Variants in MAP7D3 observed in about 807,000 individuals in gnomAD.
MAP7D3 encodes the protein MAP7 domain containing 3.
MAP7D3 carries 45 observed loss-of-function variants against 62.2 expected under a neutral mutation model. That is an observed-to-expected ratio of 0.72 (90% CI 0.57 to 0.93). MAP7D3 has a LOEUF of 0.93. Among genes scored for constraint, MAP7D3 ranks in the 40% least tolerant of loss-of-function variants. The probability of loss-of-function intolerance (pLI) is 0.00; values close to 1 mark genes in which losing one functional copy is unlikely to be tolerated. For missense variants in MAP7D3, 711 were observed against 683.1 expected (o/e 1.04, Z -0.45); for synonymous variants, 288 against 248.8 (o/e 1.16, Z -1.48).
intron 10 of MAP7D3, among the ~76,000 whole-genome samples, chrX:136,229,983 A>T: frequency 1.6e-5 from 1 of 61,038 alleles, no homozygotes; most frequent in Non-Finnish European, 3.0e-5. Context: ...ATATATATAT[A>T]TATATATATA....
intron 16 of MAP7D3, among the ~76,000 whole-genome samples, 176 bp downstream of exon 16, chrX:136,220,589 G>A (rs1447522692): frequency 8.9e-6 from 1 of 112,455 alleles, no homozygotes; most frequent in East Asian, 2.8e-4. Context: ...ACATGGGGAT[G>A]ATGATCCTTA....
In MAP7D3 at chrX:136,219,616, T is replaced by C. The variant is rs767388268; in HGVS notation, c.2542A>G (p.Thr848Ala). 2 of 1,207,363 alleles carry C rather than the reference T, an allele frequency of 1.7e-6. No homozygotes were observed. Among genetic ancestry groups the C allele is most frequent in the South Asian group, 3.5e-5 (2 of 56,952 alleles). ...HTTKTRKADE[T>A]NTTSRSSAQT... ...ACAGAGGATCTGCTGGTGGTGTTGG[T>C]TTCATCCGCCTTTCTGGTTTTCGTT... Residue 848 changes from threonine (T) to alanine (A), a missense_variant, in exon 17 of 19, where the codon ACC (threonine) becomes GCC (alanine). By Grantham distance (58) the Thr-to-Ala change is moderately conservative. Transcript: ENST00000316077.
At chrX:136,242,686 T>C (rs1218618199) in intron 4 of MAP7D3, among the ~76,000 whole-genome samples, 1 of 111,598 alleles carries the variant, frequency 9.0e-6, no homozygotes, top group Admixed American at 9.6e-5. Context: ...TTCTCTAAGA[T>C]AGTCTTTATT....
At chrX:136,219,711 A>G (rs1427256012) in intron 16 of MAP7D3, 40 bp from the exon 17 acceptor site, 2 of 1,018,829 alleles carry the variant, frequency 2.0e-6, no homozygotes, top group Non-Finnish European at 2.8e-6. Context: ...AATTATTCCC[A>G]AACCAAGGCT....
chrX:136,245,245 C>T (rs1351969644), intron 3 of MAP7D3, among the ~76,000 whole-genome samples: 1 of 111,693 alleles, frequency 9.0e-6, no homozygotes, highest in Non-Finnish European at 1.9e-5. Context: ...CCATATTAAA[C>T]ATGCCAGTTT....
At chrX:136,233,635 T>TAAAAAA (rs151267120) in intron 7 of MAP7D3, among the ~76,000 whole-genome samples, 13 of 30,604 alleles carry the variant, frequency 4.2e-4, no homozygotes, top group African/African-American at 9.6e-4. Flanking sequence ...TAAATTAAAC[T>TAAAAAA]AAAAAAAAAA....
chrX:136,225,842 G>T, intron 13 of MAP7D3, 67 bp downstream of exon 13: 1 of 683,411 alleles, frequency 1.5e-6, no homozygotes, highest in Non-Finnish European at 2.3e-6. Flanking sequence ...TTAAAAACAT[G>T]CTGATATCAG....
At position 136,251,279 on chromosome X, in the gene MAP7D3, G is replaced by C; in HGVS notation, c.70+10C>G. On this transcript the variant is annotated intron_variant, in intron 1 of 18. Coordinates refer to ENST00000316077, the MANE Select transcript of MAP7D3 (RefSeq NM_024597.4). ...CCCGAACCACCCCCGGGAGCCACCC[G>C]CCCGCTCACCCATCCGTGCCCGCAG... The C allele has an allele frequency of 8.9e-7, 1 of 1,127,589 alleles. No homozygotes were observed. The allele number at this position is 1,127,589 out of a possible 1,213,427, so 92.9% of individuals were successfully genotyped here.
rs751119234 is a variant in MAP7D3 at position 136,230,976 on chromosome X, T to TA, written c.1414-11dup. On this transcript the variant is annotated splice_polypyrimidine_tract_variant and intron_variant, in intron 8 of 18. Transcript: ENST00000316077. Reference sequence around the variant, plus strand: ...TGTCCATTTCTGATTTCTGAACAGATAAACACAGTATGGTAAATTACTAAC... The same window carrying TA: ...TGTCCATTTCTGATTTCTGAACAGATAAAACACAGTATGGTAAATTACTAAC... 8.5e-7 allele frequency: 1 copy of TA among 1,170,900 alleles called. No individual in the cohort carries two copies. The highest frequency in any genetic ancestry group is 2.0e-5 in the South Asian group (1 of 49,490).
upstream of MAP7D3, chrX:136,251,556 G>A (rs2074514712): frequency 2.4e-6 from 2 of 831,052 alleles, no homozygotes; most frequent in Non-Finnish European, 2.9e-6. Flanking sequence ...CGTCCTGACC[G>A]GCTGGGCAGC....
intron 7 of MAP7D3, 90 bp from the exon 8 acceptor site, chrX:136,232,310 G>A: frequency 3.3e-6 from 2 of 610,676 alleles, no homozygotes. Context: ...CAGGAACACA[G>A]AAAAGAGATT....
chrX:136,232,103 G>T lies in MAP7D3; in HGVS notation c.854C>A (p.Thr285Lys), dbSNP rs2074278340. ...PMSTMKIPPQ[T>K]KVEESPLEKV... ...CTCCAAGGGAGACTCTTCTACTTTT[G>T]TTTGAGGAGGTATTTTCATTGTCGA... The change falls in exon 8 of 19, where the codon ACA becomes AAA. Residue 285 changes from threonine (T) to lysine (K), a missense_variant. Coordinates refer to ENST00000316077, the MANE Select transcript of MAP7D3 (RefSeq NM_024597.4). 1 of 1,208,782 alleles carries T rather than the reference G, an allele frequency of 8.3e-7. No individual in the cohort carries two copies. The highest frequency in any genetic ancestry group is 1.8e-5 in the South Asian group (1 of 56,927).
chrX:136,219,984 G>A (rs973943854), intron 16 of MAP7D3, among the ~76,000 whole-genome samples: 8 of 111,856 alleles, frequency 7.2e-5, no homozygotes, highest in Admixed American at 9.5e-5. Flanking sequence ...TAACAGAATT[G>A]GTACAGGTCC....
At chrX:136,241,010 G>T in intron 5 of MAP7D3, 150 bp downstream of exon 5, 1 of 335,275 alleles carries the variant, frequency 3.0e-6, no homozygotes, top group Non-Finnish European at 5.3e-6. Flanking sequence ...TTTTGCAATG[G>T]CATATGACAG....
chrX:136,226,281 T>C (rs1051387625), intron 12 of MAP7D3, among the ~76,000 whole-genome samples: 6 of 111,480 alleles, frequency 5.4e-5, no homozygotes, highest in African/African-American at 2.0e-4. Context: ...ATTCAAAGTA[T>C]GTGACTGTGG....
intron 6 of MAP7D3, 75 bp downstream of exon 6, chrX:136,240,307 G>T: frequency 1.6e-6 from 1 of 608,268 alleles, no homozygotes; most frequent in Non-Finnish European, 2.8e-6. Flanking sequence ...AATCTAAATA[G>T]GTGGTACTGT....
rs775930832 is a variant in MAP7D3, at chrX:136,231,884, A to G, written c.1073T>C (p.Met358Thr). Reference sequence around the variant, plus strand: ...TATGCTCAACTCGGGGGATGCGTCCATGCTCATCTCAGAATCATATGTGCT... The same window carrying G: ...TATGCTCAACTCGGGGGATGCGTCCGTGCTCATCTCAGAATCATATGTGCT... Reference protein sequence around the residue: ...VVSTYDSEMSMDASPELSIEA... With the variant: ...VVSTYDSEMSTDASPELSIEA... Residue 358 changes from methionine (M) to threonine (T), a missense_variant, in exon 8 of 19, where the codon ATG becomes ACG. Met to Thr is a moderately conservative substitution (Grantham distance 81). Transcript: ENST00000316077. 8.3e-7 allele frequency: 1 copy of G among 1,211,338 alleles called. No homozygotes were observed.
At chrX:136,222,516 G>A in intron 14 of MAP7D3, 30 bp from the exon 15 acceptor site, 5 of 1,049,383 alleles carry the variant, frequency 4.8e-6, no homozygotes, top group Non-Finnish European at 6.7e-6. Context: ...TCTTGATTAT[G>A]CCTAATATTC....
At chrX:136,234,892 G>T (rs774634716) in intron 7 of MAP7D3, among the ~76,000 whole-genome samples, 1 of 111,499 alleles carries the variant, frequency 9.0e-6, no homozygotes, top group African/African-American at 3.3e-5. Context: ...TCCATTGGAG[G>T]TCTCACAAAT....
Sources: allele counts gnomAD v4.1 joint callset (sites outside exome capture counted in the v4.1 genomes callset), GRCh38; gene constraint gnomAD v4.1.1; transcripts MANE v1.5; gene names NCBI Gene and HGNC (gene_info 2026-07-23, HGNC 2026-07-21).